TMEM273: variants seen among roughly 807,000 people sequenced by gnomAD.
TMEM273 encodes the protein transmembrane protein 273.
TMEM273 carries 19 observed loss-of-function variants against 17.9 expected under a neutral mutation model. That is an observed-to-expected ratio of 1.06 (90% CI 0.74 to 1.55). The LOEUF (loss-of-function observed/expected upper bound fraction) is 1.55, where lower values mean the gene tolerates loss of function less well. Ranked by LOEUF, TMEM273 falls within the 40% of genes most tolerant of loss-of-function variation. The probability of loss-of-function intolerance (pLI) is 0.00; values close to 1 mark genes in which losing one functional copy is unlikely to be tolerated. For synonymous variants in TMEM273, 66 were observed against 62.0 expected (o/e 1.07, Z -0.31); for missense variants, 194 against 155.6 (o/e 1.25, Z -1.31).
intron 5 of TMEM273, among the ~76,000 whole-genome samples, 187 bp from the exon 6 acceptor site, chr10:49,161,809 A>T (rs182266000): frequency 1.8e-4 from 28 of 152,230 alleles, no homozygotes; most frequent in Admixed American, 1.6e-3. Flanking sequence ...CTCCTCTCTG[A>T]AAGTCCCTCT....
At chr10:49,170,354 C>T (rs933874108) in intron 1 of TMEM273, among the ~76,000 whole-genome samples, 1 of 152,138 alleles carries the variant, frequency 6.6e-6, no homozygotes, top group Admixed American at 6.5e-5. Context: ...ATTGACTTCA[C>T]CCCCCAAATG....
intron 5 of TMEM273, among the ~76,000 whole-genome samples, chr10:49,164,620 G>A (rs1001131232): frequency 8.5e-5 from 13 of 152,068 alleles, no homozygotes; most frequent in Non-Finnish European, 1.8e-4. Flanking sequence ...CTTCCATATC[G>A]TCACATGAAA....
chr10:49,186,171 A>G (rs1321532313), intron 1 of TMEM273, among the ~76,000 whole-genome samples: 4 of 151,776 alleles, frequency 2.6e-5, no homozygotes, highest in Non-Finnish European at 5.9e-5. Context: ...TTACTACGGA[A>G]CTCTAACCTG....
chr10:49,168,902 C>T (rs546269898), intron 1 of TMEM273, among the ~76,000 whole-genome samples: 49 of 152,260 alleles, frequency 3.2e-4, no homozygotes, highest in African/African-American at 1.2e-3. Flanking sequence ...TACTCTGAGA[C>T]GGACACTGGG....
intron 1 of TMEM273, among the ~76,000 whole-genome samples, chr10:49,180,339 T>C (rs1287762243): frequency 6.6e-6 from 1 of 152,090 alleles, no homozygotes; most frequent in Non-Finnish European, 1.5e-5. Flanking sequence ...CTGGCAATAA[T>C]TGACTCAAAC....
At chr10:49,181,600 A>C (rs1395982750) in intron 1 of TMEM273, among the ~76,000 whole-genome samples, 2 of 152,198 alleles carry the variant, frequency 1.3e-5, no homozygotes, top group Non-Finnish European at 2.9e-5. Context: ...AAATATATTC[A>C]ATAGAGGAAG....
intron 6 of TMEM273, among the ~76,000 whole-genome samples, chr10:49,157,745 A>C (rs1418762637): frequency 6.6e-6 from 1 of 152,210 alleles, no homozygotes; most frequent in Admixed American, 6.5e-5. Context: ...CTTGATGGAC[A>C]CCACTAGTGG....
At position 49,167,005 on chromosome 10, in the gene TMEM273, G is replaced by C. The variant is rs771938113; in HGVS notation, c.102C>G (p.Phe34Leu). The C allele has an allele frequency of 8.1e-6, 13 of 1,613,810 alleles. No individual in the cohort carries two copies. Among genetic ancestry groups the C allele is most frequent in the Admixed American group, 6.7e-5 (4 of 59,998 alleles). The change falls in exon 3 of 7, where the codon TTC becomes TTG. Residue 34 changes from phenylalanine (F) to leucine (L), a missense_variant. Physicochemically the swap from Phe to Leu is conservative, Grantham distance 22. Coordinates refer to ENST00000374153, the MANE Select transcript of TMEM273 (RefSeq NM_001288740.3). ...TGKTPGAEID[F>L]KYALIGTAVG... is the part of the protein sequence containing the mutation. ...CAGCAGTCCCGATGAGGGCGTACTT[G>C]AAATCTGAAACGCAGGGAGGAATTG...
chr10:49,183,955 C>G (rs77206503), intron 1 of TMEM273, among the ~76,000 whole-genome samples: 3 of 142,758 alleles, frequency 2.1e-5, no homozygotes, highest in Non-Finnish European at 3.1e-5. Flanking sequence ...AAAAAAAAAA[C>G]ATTGTGGCAT....
chr10:49,162,556 T>C (rs939174319), intron 5 of TMEM273, among the ~76,000 whole-genome samples: 1 of 152,234 alleles, frequency 6.6e-6, no homozygotes, highest in Non-Finnish European at 1.5e-5. Context: ...GTAGCGTCCC[T>C]GTGCTGGGGG....
At chr10:49,168,319 C>T (rs1347423411) in intron 1 of TMEM273, among the ~76,000 whole-genome samples, 12 of 152,164 alleles carry the variant, frequency 7.9e-5, no homozygotes, top group Admixed American at 7.9e-4. Context: ...ATCTCCTGCC[C>T]TGCCTCAGGG....
intron 1 of TMEM273, among the ~76,000 whole-genome samples, chr10:49,169,458 T>G (rs1846410961): frequency 1.3e-5 from 2 of 152,146 alleles, no homozygotes; most frequent in South Asian, 4.1e-4. Flanking sequence ...CCTGCTAGAG[T>G]TCAGAATTTT....
At chr10:49,187,360 T>C (rs572804129) in intron 1 of TMEM273, among the ~76,000 whole-genome samples, 2 of 152,238 alleles carry the variant, frequency 1.3e-5, no homozygotes, top group Non-Finnish European at 2.9e-5. Flanking sequence ...GATGGAAACC[T>C]GCCCACAGCA....
At chr10:49,169,240 T>C (rs1248434469) in intron 1 of TMEM273, among the ~76,000 whole-genome samples, 1 of 152,144 alleles carries the variant, frequency 6.6e-6, no homozygotes, top group Non-Finnish European at 1.5e-5. Flanking sequence ...CAGGAGAGTG[T>C]GCTACCACTC....
intron 1 of TMEM273, among the ~76,000 whole-genome samples, chr10:49,180,290 AG>A (rs1847264163): frequency 6.6e-6 from 1 of 152,182 alleles, no homozygotes; most frequent in Admixed American, 6.5e-5. Context: ...CAAGTGCTAA[AG>A]GGGAAGCCCA....
chr10:49,167,844 C>T (rs1226188859), intron 2 of TMEM273, 65 bp downstream of exon 2: 9 of 1,595,754 alleles, frequency 5.6e-6, no homozygotes, highest in African/African-American at 1.3e-5. Context: ...CCTCTGCTTG[C>T]TTGTCTTGGG....
At chr10:49,170,482 C>T (rs143650133) in intron 1 of TMEM273, among the ~76,000 whole-genome samples, 1 of 152,326 alleles carries the variant, frequency 6.6e-6, no homozygotes, top group Non-Finnish European at 1.5e-5. Context: ...ATGTCCCATC[C>T]TGTGTCCCCT....
chr10:49,161,440 G>T, intron 6 of TMEM273, 159 bp downstream of exon 6: 1 of 800,076 alleles, frequency 1.2e-6, no homozygotes, highest in Non-Finnish European at 2.1e-6. Flanking sequence ...CTGATTCCTG[G>T]TCTCACAGCT....
chr10:49,173,329 C>G (rs183567755), intron 1 of TMEM273, among the ~76,000 whole-genome samples: 1 of 152,140 alleles, frequency 6.6e-6, no homozygotes, highest in Non-Finnish European at 1.5e-5. Flanking sequence ...CCTGAGAGGG[C>G]GTCACTGGAG....
Sources: allele counts gnomAD v4.1 joint callset (sites outside exome capture counted in the v4.1 genomes callset), GRCh38; gene constraint gnomAD v4.1.1; transcripts MANE v1.5; gene names NCBI Gene and HGNC (gene_info 2026-07-23, HGNC 2026-07-21).